MKLN1: variants seen among roughly 807,000 people sequenced by gnomAD.
MKLN1 encodes the protein muskelin 1, also known as muskelin.
Under a neutral mutation model 99.0 loss-of-function variants are expected in MKLN1, and 18 were observed. The ratio of observed to expected loss-of-function variants is 0.18; its 90% CI spans 0.13 to 0.27. MKLN1 has a LOEUF of 0.27. Among genes scored for constraint, MKLN1 ranks in the 10% least tolerant of loss-of-function variants. The probability of loss-of-function intolerance (pLI) is 1.00; values close to 1 mark genes in which losing one functional copy is unlikely to be tolerated. For missense variants in MKLN1, 621 were observed against 875.9 expected (o/e 0.71, Z 3.67); for synonymous variants, 288 against 293.2 (o/e 0.98, Z 0.18).
intron 3 of MKLN1, among the ~76,000 whole-genome samples, chr7:131,308,266 T>TTA (rs1798498976): frequency 6.6e-6 from 1 of 151,376 alleles, no homozygotes; most frequent in African/African-American, 2.4e-5. Flanking sequence ...ACGTAGTTTT[T>TTA]TTTTTTTTTT....
intron 3 of MKLN1, among the ~76,000 whole-genome samples, chr7:131,251,121 G>GTGTGTGTGTA (rs143561333): frequency 0.055 from 8,176 of 147,988 alleles, 234 homozygotes; most frequent in Middle Eastern, 0.1. Context: ...GTGTGTGTGT[G>GTGTGTGTGTA]TGTGTACCAT....
Position 131,429,119 on chromosome 7 carries a change from T to C in MKLN1, c.934T>C (p.Cys312Arg), listed in dbSNP as rs1276329051. The change falls in exon 9 of 18, where the codon TGT becomes CGT. Residue 312 changes from cysteine (C) to arginine (R), a missense_variant. Transcript: ENST00000352689. Reference sequence around the variant, plus strand: ...CAGTGTGAAGGAGAACCAGTGGACATGTATCTCTAGAGACACTGAAAAAGA... The same window carrying C: ...CAGTGTGAAGGAGAACCAGTGGACACGTATCTCTAGAGACACTGAAAAAGA... The part of the protein sequence containing the change: ...AYSVKENQWT[C>R]ISRDTEKENG... 5 of 1,613,700 alleles carry C rather than the reference T, an allele frequency of 3.1e-6. No homozygotes were observed. Among genetic ancestry groups the C allele is most frequent in the East Asian group, 4.5e-5 (2 of 44,862 alleles).
At chr7:131,135,295 G>C (rs1795632022) in intron 1 of MKLN1, among the ~76,000 whole-genome samples, 1 of 152,130 alleles carries the variant, frequency 6.6e-6, no homozygotes, top group South Asian at 2.1e-4. Context: ...GCTAATTTTT[G>C]TATTTTTAGT....
chr7:131,260,939 A>G (rs1797723938), intron 3 of MKLN1, among the ~76,000 whole-genome samples: 1 of 152,264 alleles, frequency 6.6e-6, no homozygotes, highest in East Asian at 1.9e-4. Context: ...CTGGCTAGCC[A>G]CATGCAGAAG....
chr7:131,375,559 C>G (rs1328915603), intron 2 of MKLN1, 66 bp downstream of exon 2: 10 of 926,694 alleles, frequency 1.1e-5, no homozygotes, highest in South Asian at 8.7e-5. Flanking sequence ...TCAATTGATA[C>G]TAGTTATCTG....
chr7:131,400,518 A>ATATAT (rs1554567982), intron 6 of MKLN1, among the ~76,000 whole-genome samples: 129 of 137,428 alleles, frequency 9.4e-4, no homozygotes, highest in South Asian at 3.0e-3. Flanking sequence ...ATAAAAAAAA[A>ATATAT]ATATATATAT....
chr7:131,251,368 T>A (rs114620576), intron 3 of MKLN1, among the ~76,000 whole-genome samples: 2,406 of 152,300 alleles, frequency 0.016, 68 homozygotes, highest in African/African-American at 0.053. Context: ...GAAAGCTGGG[T>A]TGGCTTTGGC....
intron 1 of MKLN1, among the ~76,000 whole-genome samples, chr7:131,119,497 T>G (rs1795327953): frequency 6.6e-6 from 1 of 152,254 alleles, no homozygotes; most frequent in Admixed American, 6.5e-5. Flanking sequence ...GCTCCATTAG[T>G]CAGTGCTCTA....
intron 1 of MKLN1, 28 bp downstream of exon 1, chr7:131,328,025 G>A (rs201734407): frequency 6.3e-5 from 102 of 1,611,542 alleles, no homozygotes; most frequent in Admixed American, 3.0e-4. Context: ...AGCTCGTGCT[G>A]CCCCACCCTT....
chr7:131,411,906 C>CAAAAAAAAAAAAAAAAAAAAAAA lies in MKLN1; in HGVS notation c.781+532_781+554dup, dbSNP rs34182914. Among the ~76,000 whole-genome samples the CAAAAAAAAAAAAAAAAAAAAAAA allele has an allele frequency of 7.0e-4, 37 of 53,106 alleles. 5 individuals are homozygous for CAAAAAAAAAAAAAAAAAAAAAAA. The highest frequency in any genetic ancestry group is 1.1e-3 in the Non-Finnish European group (32 of 28,754). The allele number at this position is 53,106 out of a possible 152,430, so 34.8% of individuals were successfully genotyped here. A position where few individuals can be genotyped will look rare whatever the true frequency, so the allele number is the denominator to read the frequency against. ...TGGGAGACAGATGGAGATTCCATCT[C>CAAAAAAAAAAAAAAAAAAAAAAA]AAAAAAAAAAAAAAAAAAAAAAAAA... On this transcript the variant is annotated intron_variant, in intron 7 of 17. Transcript: ENST00000352689.
At chr7:131,388,810 G>A (rs1794110558) in intron 3 of MKLN1, 74 bp from the exon 4 acceptor site, 2 of 898,604 alleles carry the variant, frequency 2.2e-6, no homozygotes, top group Non-Finnish European at 3.5e-6. Context: ...AAACCTGAGT[G>A]TGCATTAATT....
At chr7:131,426,295 G>A (rs1192705074) in intron 8 of MKLN1, among the ~76,000 whole-genome samples, 1 of 152,162 alleles carries the variant, frequency 6.6e-6, no homozygotes, top group Non-Finnish European at 1.5e-5. Context: ...CTTATCCAGA[G>A]GGTGCCCAGA....
chr7:131,134,948 T>G (rs1352919493), intron 1 of MKLN1, among the ~76,000 whole-genome samples: 2 of 152,192 alleles, frequency 1.3e-5, no homozygotes, highest in Non-Finnish European at 2.9e-5. Flanking sequence ...ACAACATACC[T>G]TAGCATTGAT....
intron 2 of MKLN1, among the ~76,000 whole-genome samples, chr7:131,157,855 A>C (rs942858010): frequency 6.6e-6 from 1 of 152,186 alleles, no homozygotes; most frequent in Non-Finnish European, 1.5e-5. Flanking sequence ...TTTACAAAAC[A>C]GTTCATTTGG....
At chr7:131,307,716 A>G (rs1798488873) in intron 3 of MKLN1, among the ~76,000 whole-genome samples, 1 of 152,122 alleles carries the variant, frequency 6.6e-6, no homozygotes, top group Admixed American at 6.5e-5. Context: ...TTTACCCAAT[A>G]CCTGAACCCC....
At chr7:131,409,394 T>C (rs1794805153) in intron 6 of MKLN1, among the ~76,000 whole-genome samples, 1 of 152,254 alleles carries the variant, frequency 6.6e-6, no homozygotes, top group Admixed American at 6.5e-5. Context: ...AACAAGGTAG[T>C]AAAAGCAATG....
chr7:131,338,120 T>C (rs1456776904), intron 1 of MKLN1, among the ~76,000 whole-genome samples: 1 of 152,230 alleles, frequency 6.6e-6, no homozygotes, highest in East Asian at 1.9e-4. Flanking sequence ...TTTTTTTCTT[T>C]CCAGACCCAT....
chr7:131,147,089 C>T lies in MKLN1; in HGVS notation c.-297+4148C>T, dbSNP rs182703225. ...ATTAATTTTTTTTGAGATAGGGTCT[C>T]CCTCTGTTGCCCAGGCTGGAGTGCA... is the stretch of plus-strand genomic sequence containing the variant. On this transcript the variant is annotated intron_variant, in intron 2 of 7. Transcript: ENST00000416992. Among the ~76,000 whole-genome samples the T allele has an allele frequency of 3.0e-4, 45 of 152,052 alleles. No homozygotes were observed. The East Asian group carries it at 8.7e-3, about 29-fold the overall frequency.
intron 8 of MKLN1, among the ~76,000 whole-genome samples, chr7:131,418,635 A>G (rs1315657786): frequency 6.6e-6 from 1 of 152,254 alleles, no homozygotes. Context: ...AAGTGGTAGT[A>G]GAGCCAGCAG....
Sources: gnomAD v4.1 joint callset for allele counts (sites outside exome capture counted in the v4.1 genomes callset) on GRCh38, gnomAD v4.1.1 for gene constraint, MANE v1.5 for transcripts, NCBI Gene and HGNC (gene_info 2026-07-23, HGNC 2026-07-21) for gene names.